The following RPS6KC1 variants were observed in gnomAD, a reference collection of about 807,000 sequenced individuals.
RPS6KC1 encodes the protein inactive ribosomal protein S6 kinase delta-1.
A neutral mutation model predicts 103.8 loss-of-function variants in RPS6KC1; 54 were observed. The observed-to-expected ratio is 0.52, with a 90% CI of 0.42 to 0.65. The LOEUF (loss-of-function observed/expected upper bound fraction) is 0.65. Ranked by LOEUF, RPS6KC1 falls within the 30% of genes least tolerant of loss-of-function variation. The probability of loss-of-function intolerance (pLI) is 0.00; values close to 1 mark genes in which losing one functional copy is unlikely to be tolerated. For missense variants in RPS6KC1, 1,151 were observed against 1,253.8 expected, an observed-to-expected ratio of 0.92 and a Z score of 1.24; for synonymous variants, 439 against 438.7, an observed-to-expected ratio of 1.00 and a Z score of -0.01.
the RPS6KC1 span, among the ~76,000 whole-genome samples, chr1:213,809,056 A>G: frequency 6.6e-6 from 1 of 152,140 alleles, no homozygotes; most frequent in African/African-American, 2.4e-5. Context: ...CTTTTGGCCT[A>G]TTTCAGTTTT....
At chr1:213,081,985 T>G (rs1241755047) in intron 3 of RPS6KC1, among the ~76,000 whole-genome samples, 1 of 152,206 alleles carries the variant, frequency 6.6e-6, no homozygotes, top group African/African-American at 2.4e-5. Flanking sequence ...ATGTTTCTTG[T>G]AAGCTACCAT....
At chr1:213,488,503 C>G in the RPS6KC1 span, among the ~76,000 whole-genome samples, 1 of 152,124 alleles carries the variant, frequency 6.6e-6, no homozygotes, top group African/African-American at 2.4e-5. Context: ...GTCATAGCGT[C>G]TGTTTCTTCA....
At chr1:213,214,063 C>T (rs544066997) in intron 8 of RPS6KC1, among the ~76,000 whole-genome samples, 10 of 152,148 alleles carry the variant, frequency 6.6e-5, no homozygotes, top group African/African-American at 1.7e-4. Flanking sequence ...GAGCATGAGC[C>T]GAAGCAGGGC....
chr1:213,282,093 T>C, the RPS6KC1 span, among the ~76,000 whole-genome samples: 1 of 152,228 alleles, frequency 6.6e-6, no homozygotes, highest in South Asian at 2.1e-4. Flanking sequence ...ATCTGGCTTA[T>C]TGGCAAGCAT....
At chr1:213,215,187 C>A (rs2093626524) in intron 8 of RPS6KC1, among the ~76,000 whole-genome samples, 1 of 152,130 alleles carries the variant, frequency 6.6e-6, no homozygotes, top group Non-Finnish European at 1.5e-5. Context: ...GTTTAAAGGA[C>A]CTGATGGAGC....
At chr1:213,206,789 T>C (rs1365616572) in intron 8 of RPS6KC1, among the ~76,000 whole-genome samples, 1 of 152,148 alleles carries the variant, frequency 6.6e-6, no homozygotes, top group Non-Finnish European at 1.5e-5. Flanking sequence ...GGATCTTCCT[T>C]GTACAAAATT....
At chr1:213,349,329 A>G in the RPS6KC1 span, among the ~76,000 whole-genome samples, 2 of 152,068 alleles carry the variant, frequency 1.3e-5, no homozygotes, top group Non-Finnish European at 2.9e-5. Flanking sequence ...TACCCTATCC[A>G]CTGGTCACTG....
At chr1:213,065,538 A>G (rs1376663531) in intron 1 of RPS6KC1, among the ~76,000 whole-genome samples, 2 of 152,214 alleles carry the variant, frequency 1.3e-5, no homozygotes, top group African/African-American at 4.8e-5. Context: ...CTCAATTCAC[A>G]TTATCCTAGC....
At chr1:213,178,154 C>G (rs2092007554) in intron 8 of RPS6KC1, among the ~76,000 whole-genome samples, 1 of 151,124 alleles carries the variant, frequency 6.6e-6, no homozygotes, top group South Asian at 2.1e-4. Context: ...CCTCTGCACT[C>G]CAGCCTGGGT....
At chr1:213,300,919 G>C in the RPS6KC1 span, among the ~76,000 whole-genome samples, 3 of 152,134 alleles carry the variant, frequency 2.0e-5, no homozygotes, top group Non-Finnish European at 4.4e-5. Context: ...GGGAGGAATG[G>C]TCTCCTGACT....
At chr1:213,744,810 C>T in the RPS6KC1 span, among the ~76,000 whole-genome samples, 26 of 152,208 alleles carry the variant, frequency 1.7e-4, no homozygotes, top group Non-Finnish European at 3.5e-4. Context: ...TGCTGGTCAG[C>T]GTGGAGGCTT....
chr1:213,170,086 A>G (rs1355370571), intron 7 of RPS6KC1, among the ~76,000 whole-genome samples: 1 of 152,168 alleles, frequency 6.6e-6, no homozygotes, highest in Admixed American at 6.5e-5. Flanking sequence ...CCTGGCCAGT[A>G]TTCTAAAAGT....
the RPS6KC1 span, among the ~76,000 whole-genome samples, chr1:213,804,075 C>G: frequency 6.9e-6 from 1 of 144,000 alleles, no homozygotes; most frequent in Non-Finnish European, 1.5e-5. Context: ...CAAACCTGCA[C>G]GTTGTGAACA....
chr1:213,669,385 T>A, the RPS6KC1 span, among the ~76,000 whole-genome samples: 1 of 152,114 alleles, frequency 6.6e-6, no homozygotes, highest in African/African-American at 2.4e-5. Flanking sequence ...GGCAGAGTGG[T>A]CGCAACACAC....
At chr1:213,367,354 A>G in the RPS6KC1 span, among the ~76,000 whole-genome samples, 1 of 152,268 alleles carries the variant, frequency 6.6e-6, no homozygotes, top group East Asian at 1.9e-4. Context: ...ACTAGTGCAG[A>G]GTAAGGATAA....
intron 4 of RPS6KC1, among the ~76,000 whole-genome samples, chr1:213,115,079 G>A: frequency 6.6e-6 from 1 of 152,202 alleles, no homozygotes; most frequent in Non-Finnish European, 1.5e-5. Context: ...AAATGAGTTA[G>A]GGAGGATTCC....
chr1:213,642,831 T>C, the RPS6KC1 span, among the ~76,000 whole-genome samples: 17 of 152,110 alleles, frequency 1.1e-4, 2 homozygotes, highest in East Asian at 3.1e-3. Context: ...TTTTCTTACA[T>C]TTAGAAATTT....
chr1:213,513,180 A>G, the RPS6KC1 span, among the ~76,000 whole-genome samples: 2 of 150,568 alleles, frequency 1.3e-5, no homozygotes, highest in Non-Finnish European at 2.9e-5. Flanking sequence ...TTTGAAGATG[A>G]AGGAGGAGGG....
the RPS6KC1 span, among the ~76,000 whole-genome samples, chr1:213,651,508 C>T: frequency 4.6e-5 from 7 of 152,330 alleles, no homozygotes; most frequent in Non-Finnish European, 7.4e-5. Flanking sequence ...CACTGGTGCA[C>T]GATGCCCATG....
Sources: allele counts gnomAD v4.1 joint callset (sites outside exome capture counted in the v4.1 genomes callset), GRCh38; gene constraint gnomAD v4.1.1; transcripts MANE v1.5; gene names NCBI Gene and HGNC (gene_info 2026-07-23, HGNC 2026-07-21).